The following C6orf163 variants were observed in gnomAD, a reference collection of about 807,000 sequenced individuals.
The protein encoded by C6orf163 is chromosome 6 open reading frame 163.
In C6orf163, 22 loss-of-function variants were observed where a neutral mutation model predicts 28.4. The ratio of observed to expected loss-of-function variants is 0.78; its 90% CI spans 0.55 to 1.11. C6orf163 has a LOEUF of 1.11. Among genes scored for constraint, C6orf163 ranks in the 50% least tolerant of loss-of-function variants. C6orf163 has a pLI of 0.00. For missense variants in C6orf163, 342 were observed against 389.1 expected (o/e 0.88, Z 1.02); for synonymous variants, 110 against 123.6 (o/e 0.89, Z 0.73).
intron 2 of C6orf163, among the ~76,000 whole-genome samples, chr6:87,349,168 G>C (rs1310566904): frequency 1.3e-5 from 2 of 152,150 alleles, no homozygotes; most frequent in Admixed American, 6.5e-5. Context: ...TAAGAAGCCG[G>C]CATCATCAGG....
At position 87,356,370 on chromosome 6, in the gene C6orf163, G is replaced by C. The variant is rs1777502728; in HGVS notation, c.421G>C (p.Ala141Pro). ...MDDEMKREHL[A>P]AEQRMVHRIQ... ...TGACGAAATGAAGAGAGAGCACTTGGCTGCAGAACAGCGCATGGTCCACAG... is the reference window on the plus strand; with the variant it reads ...TGACGAAATGAAGAGAGAGCACTTGCCTGCAGAACAGCGCATGGTCCACAG... Residue 141 changes from alanine (A) to proline (P), a missense_variant, in exon 4 of 5, where the codon GCT becomes CCT. Coordinates refer to ENST00000388923, the MANE Select transcript of C6orf163 (RefSeq NM_001010868.3). 1.3e-6 allele frequency: 2 copies of C among 1,551,594 alleles called. No individual in the cohort carries two copies. Among genetic ancestry groups the C allele is most frequent in the Non-Finnish European group, 8.7e-7 (1 of 1,147,010 alleles).
Position 87,357,839 on chromosome 6 carries a change from A to G in C6orf163, c.554+1336A>G, listed in dbSNP as rs948933709. 4 of 152,168 alleles carry G rather than the reference A, an allele frequency of 2.6e-5. 1 individual carries two copies. Among genetic ancestry groups the G allele is most frequent in the Admixed American group, 2.6e-4 (4 of 15,264 alleles). The allele number at this position is 152,168 out of a possible 1,614,324, so 9.4% of individuals were successfully genotyped here. ...CCTTTCCTCTGTGAGGTTTGATGGA[A>G]GGTTTTCAATGTCTGCCTTTTATTG... On this transcript the variant is annotated intron_variant, in intron 4 of 4. Transcript: ENST00000388923.
intron 4 of C6orf163, among the ~76,000 whole-genome samples, chr6:87,362,242 C>G (rs1777590454): frequency 1.3e-5 from 2 of 152,102 alleles, no homozygotes; most frequent in African/African-American, 4.8e-5. Context: ...TTTGGGAGAC[C>G]AAGGCGGGTG....
At chr6:87,358,117 T>A (rs772007312) in intron 4 of C6orf163, 2 of 152,226 alleles carry the variant, frequency 1.3e-5, no homozygotes, top group African/African-American at 4.8e-5. Flanking sequence ...CAGAAACTAA[T>A]ATATGGAGAG....
At chr6:87,351,616 G>A (rs889783506) in intron 3 of C6orf163, among the ~76,000 whole-genome samples, 1 of 152,246 alleles carries the variant, frequency 6.6e-6, no homozygotes, top group East Asian at 1.9e-4. Flanking sequence ...AATGTGAAGA[G>A]CATTTATAGC....
intron 4 of C6orf163, 66 bp downstream of exon 4, chr6:87,356,569 TAAG>T (rs1777506024): frequency 6.9e-7 from 1 of 1,458,394 alleles, no homozygotes; most frequent in African/African-American, 1.4e-5. Context: ...GAGAAACAGA[TAAG>T]GTTACAGTAC....
intron 3 of C6orf163, among the ~76,000 whole-genome samples, chr6:87,355,437 T>C (rs921917155): frequency 3.3e-5 from 5 of 152,072 alleles, no homozygotes; most frequent in African/African-American, 4.8e-5. Context: ...GGCAAGTGTC[T>C]GTCGTCTCAG....
At chr6:87,350,656 T>G (rs1777399754) in intron 3 of C6orf163, among the ~76,000 whole-genome samples, 155 bp downstream of exon 3, 1 of 152,234 alleles carries the variant, frequency 6.6e-6, no homozygotes, top group South Asian at 2.1e-4. Flanking sequence ...GAAGAGATGC[T>G]GAGCTCTCTA....
At chr6:87,347,408 A>G (rs1777341881) in intron 1 of C6orf163, 1 of 984,980 alleles carries the variant, frequency 1.0e-6, no homozygotes, top group Admixed American at 6.1e-5. Context: ...AAAAGAGGAT[A>G]GTGATAGCCT....
intron 3 of C6orf163, among the ~76,000 whole-genome samples, chr6:87,350,898 C>T (rs1028386726): frequency 6.6e-6 from 1 of 152,172 alleles, no homozygotes; most frequent in Non-Finnish European, 1.5e-5. Flanking sequence ...CTGGACTAGC[C>T]CTGGTGCCCA....
At chr6:87,354,340 A>C (rs1490566138) in intron 3 of C6orf163, among the ~76,000 whole-genome samples, 2 of 152,248 alleles carry the variant, frequency 1.3e-5, no homozygotes, top group Non-Finnish European at 2.9e-5. Flanking sequence ...TAAATTTCAA[A>C]AAGCAAAGTA....
chr6:87,365,220 A>T lies in C6orf163; in HGVS notation c.814A>T (p.Thr272Ser). ...LSIAKQLGIM[T>S]NWKDFLEEEL... ...TATAGCAAAACAACTGGGAATCATG[A>T]CAAATTGGAAAGATTTCCTAGAGGA... The change falls in exon 5 of 5, where the codon ACA (threonine) becomes TCA (serine). Residue 272 changes from threonine (T) to serine (S), a missense_variant. By Grantham distance (58) the Thr-to-Ser change is moderately conservative. Transcript: ENST00000388923. 1.3e-6 allele frequency: 2 copies of T among 1,551,780 alleles called. No individual in the cohort carries two copies. The highest frequency in any genetic ancestry group is 1.7e-6 in the Non-Finnish European group (2 of 1,147,012).
Position 87,363,989 on chromosome 6 carries a change from A to C in C6orf163, c.555-972A>C, listed in dbSNP as rs557682418. Among the ~76,000 whole-genome samples, 3 of 119,452 alleles carry C rather than the reference A, an allele frequency of 2.5e-5. No homozygotes were observed. In the South Asian group the frequency reaches 8.1e-4, roughly 32 times the overall value. The allele number at this position is 119,452 out of a possible 152,430, so 78.4% of individuals were successfully genotyped here. On this transcript the variant is annotated intron_variant, in intron 4 of 4. Transcript: ENST00000388923. ...TAAGCCAGAGATTAAAGAGTTGTGC[A>C]AAAAAAAAATTAGGCTGGGTACAGT...
chr6:87,365,227 G>A lies in C6orf163; in HGVS notation c.821G>A (p.Trp274Ter). ...AAACAACTGGGAATCATGACAAATT[G>A]GAAAGATTTCCTAGAGGAGGAATTA... Reference protein sequence around the residue: ...IAKQLGIMTNWKDFLEEELQE... With the variant: ...IAKQLGIMTN Residue 274 changes from tryptophan to a stop codon, truncating the protein, a stop_gained, in exon 5 of 5, where the codon TGG becomes TAG. Transcript: ENST00000388923. LOFTEE classifies it high-confidence loss of function. 6.4e-7 allele frequency: 1 copy of A among 1,551,652 alleles called. No homozygotes were observed. The highest frequency in any genetic ancestry group is 1.2e-5 in the South Asian group (1 of 84,050).
At chr6:87,348,938 ATC>A in intron 2 of C6orf163, 32 bp downstream of exon 2, 1 of 1,534,852 alleles carries the variant, frequency 6.5e-7, no homozygotes, top group Non-Finnish European at 8.7e-7. Context: ...CCTAAAGTCC[ATC>A]TTTACCGTTC....
At chr6:87,355,976 T>A (rs1777495156) in intron 3 of C6orf163, among the ~76,000 whole-genome samples, 3 of 152,352 alleles carry the variant, frequency 2.0e-5, no homozygotes, top group South Asian at 4.1e-4. Flanking sequence ...TTATGTATAA[T>A]GATAATATGA....
At chr6:87,349,949 C>A (rs1261405369) in intron 2 of C6orf163, among the ~76,000 whole-genome samples, 1 of 152,200 alleles carries the variant, frequency 6.6e-6, no homozygotes, top group African/African-American at 2.4e-5. Flanking sequence ...AAAGTTCTTT[C>A]TGAAGACTGA....
chr6:87,356,915 T>C (rs1777511733), intron 4 of C6orf163: 1 of 170,324 alleles, frequency 5.9e-6, no homozygotes, highest in Non-Finnish European at 1.3e-5. Context: ...AAAATCAATC[T>C]TCACATTCTC....
At chr6:87,347,932 G>C in intron 1 of C6orf163, 1 of 906,450 alleles carries the variant, frequency 1.1e-6, no homozygotes, top group East Asian at 1.2e-4. Context: ...GAAGTGGGCA[G>C]ATCACTTGAG....
Sources: allele counts gnomAD v4.1 joint callset (sites outside exome capture counted in the v4.1 genomes callset), GRCh38; gene constraint gnomAD v4.1.1; transcripts MANE v1.5; gene names NCBI Gene and HGNC (gene_info 2026-07-23, HGNC 2026-07-21).